The following DLGAP2 variants were observed in gnomAD, a reference collection of about 807,000 sequenced individuals.
The protein encoded by DLGAP2 is disks large-associated protein 2.
In DLGAP2, 26 loss-of-function variants were observed where a neutral mutation model predicts 100.3. That is an observed-to-expected ratio of 0.26 (90% CI 0.19 to 0.36). The LOEUF (loss-of-function observed/expected upper bound fraction) is 0.36. Ranked by LOEUF, DLGAP2 falls within the 10% of genes least tolerant of loss-of-function variation. The pLI is 1.00. For synonymous variants in DLGAP2, 886 were observed against 630.1 expected (o/e 1.41, Z -6.08); for missense variants, 1,858 against 1,453.2 (o/e 1.28, Z -4.53).
At chr8:972,044 C>G (rs543053713) in intron 2 of DLGAP2, among the ~76,000 whole-genome samples, 13 of 152,202 alleles carry the variant, frequency 8.5e-5, no homozygotes, top group African/African-American at 2.9e-4. Flanking sequence ...AGATTCAGGT[C>G]CTATTTAAGA....
intron 2 of DLGAP2, among the ~76,000 whole-genome samples, chr8:1,038,597 T>TA (rs1177138618): frequency 3.9e-5 from 6 of 152,226 alleles, no homozygotes; most frequent in African/African-American, 1.4e-4. Flanking sequence ...CATTATGCGT[T>TA]AGATAATTTG....
At chr8:1,206,433 C>G (rs1797992583) in intron 2 of DLGAP2, among the ~76,000 whole-genome samples, 1 of 152,018 alleles carries the variant, frequency 6.6e-6, no homozygotes, top group Admixed American at 6.5e-5. Flanking sequence ...GGTTAATCTC[C>G]AGCCATCCGT....
At chr8:1,335,734 G>A (rs1801258540) in intron 3 of DLGAP2, among the ~76,000 whole-genome samples, 1 of 152,240 alleles carries the variant, frequency 6.6e-6, no homozygotes, top group Non-Finnish European at 1.5e-5. Context: ...GGAACCCTGA[G>A]TATGATTTAT....
chr8:1,355,982 CG>C (rs2129638798), intron 3 of DLGAP2, among the ~76,000 whole-genome samples: 1 of 152,226 alleles, frequency 6.6e-6, no homozygotes, highest in Non-Finnish European at 1.5e-5. Flanking sequence ...CCCAAGGCTC[CG>C]CATTTGGGTG....
intron 6 of DLGAP2, among the ~76,000 whole-genome samples, chr8:1,594,413 A>T (rs986090365): frequency 6.6e-6 from 1 of 152,146 alleles, no homozygotes; most frequent in Non-Finnish European, 1.5e-5. Context: ...TATGTGCCAA[A>T]CAGAAATTAT....
intron 2 of DLGAP2, among the ~76,000 whole-genome samples, chr8:1,022,996 T>C (rs528830802): frequency 2.6e-5 from 4 of 152,324 alleles, no homozygotes; most frequent in Admixed American, 2.6e-4. Context: ...TGAAGAACAT[T>C]AAACTCGCAT....
At chr8:907,293 C>G (rs936178767) in intron 1 of DLGAP2, among the ~76,000 whole-genome samples, 5 of 152,236 alleles carry the variant, frequency 3.3e-5, no homozygotes, top group African/African-American at 1.2e-4. Flanking sequence ...ACAGACATCT[C>G]TTCAGCTGCA....
rs1803954408 is a variant in DLGAP2 at position 1,085,752 on chromosome 8, G to T, written c.74-173099G>T. 2.6e-5 allele frequency among the ~76,000 whole-genome samples: 4 copies of T among 152,202 alleles called. No individual in the cohort carries two copies. In the East Asian group the frequency reaches 7.7e-4, roughly 29 times the overall value. On this transcript the variant is annotated intron_variant, in intron 2 of 14. Transcript: ENST00000637795. ...CTCATGATTTTCTTATATATTTGAG[G>T]TTTTTTGTGGTTCCATATGAGTTTT...
chr8:927,390 C>T (rs1469552136), intron 2 of DLGAP2, among the ~76,000 whole-genome samples: 1 of 152,100 alleles, frequency 6.6e-6, no homozygotes, highest in Non-Finnish European at 1.5e-5. Flanking sequence ...GTTCTGGTCC[C>T]CAAGGCTCTT....
chr8:1,508,617 G>GT (rs1163812528), intron 4 of DLGAP2, among the ~76,000 whole-genome samples: 1 of 136,196 alleles, frequency 7.3e-6, no homozygotes, highest in Non-Finnish European at 1.6e-5. Context: ...TCTGTGGGAT[G>GT]TGCCAGTAAG....
chr8:953,409 G>T (rs748790891), intron 2 of DLGAP2, among the ~76,000 whole-genome samples: 1 of 152,160 alleles, frequency 6.6e-6, no homozygotes, highest in Non-Finnish European at 1.5e-5. Flanking sequence ...GGCCAGGCTG[G>T]TCTTGAACTC....
At chr8:980,728 C>G (rs1303907198) in intron 2 of DLGAP2, among the ~76,000 whole-genome samples, 1 of 152,086 alleles carries the variant, frequency 6.6e-6, no homozygotes, top group Admixed American at 6.6e-5. Context: ...GGAGGACACG[C>G]TGGCTCAGCT....
At chr8:1,471,720 A>G (rs1333192808) in intron 3 of DLGAP2, among the ~76,000 whole-genome samples, 1 of 152,178 alleles carries the variant, frequency 6.6e-6, no homozygotes, top group Non-Finnish European at 1.5e-5. Flanking sequence ...CATATCCATC[A>G]GCAGCTGGTG....
intron 1 of DLGAP2, among the ~76,000 whole-genome samples, chr8:800,722 G>C (rs1273980394): frequency 6.6e-6 from 1 of 152,168 alleles, no homozygotes; most frequent in Non-Finnish European, 1.5e-5. Flanking sequence ...GTGTCCATGG[G>C]TGTTTGTGTG....
At chr8:1,098,649 G>GGCGCCGCC (rs1563190793) in intron 2 of DLGAP2, among the ~76,000 whole-genome samples, 1 of 104,236 alleles carries the variant, frequency 9.6e-6, no homozygotes, top group African/African-American at 3.4e-5. Flanking sequence ...GCCGCCCACG[G>GGCGCCGCC]ACGCCGCCAC....
chr8:1,551,544 C>G (rs964053590), intron 5 of DLGAP2, among the ~76,000 whole-genome samples: 5 of 152,182 alleles, frequency 3.3e-5, no homozygotes, highest in African/African-American at 7.2e-5. Context: ...CTCCCAGGAA[C>G]ACGCTTCTCT....
In DLGAP2 at chr8:1,274,959, A is replaced by T. The variant is rs114606998; in HGVS notation, c.106+16076A>T. Among the ~76,000 whole-genome samples, 49 of 152,120 alleles carry T rather than the reference A, an allele frequency of 3.2e-4. No homozygotes were observed. The East Asian group carries it at 7.5e-3, about 23-fold the overall frequency. On this transcript the variant is annotated intron_variant, in intron 3 of 14. Coordinates refer to ENST00000637795, the MANE Select transcript of DLGAP2 (RefSeq NM_001346810.2). The stretch of plus-strand genomic sequence containing the variant: ...TTGCGGCAGCCATGAGTGAGTGTTC[A>T]CTGCCTGCTGCTGTGTCCGCAGTCC...
intron 2 of DLGAP2, among the ~76,000 whole-genome samples, chr8:1,043,950 A>G (rs1802445630): frequency 6.6e-6 from 1 of 151,942 alleles, no homozygotes; most frequent in South Asian, 2.1e-4. Flanking sequence ...GTTGCTTGTG[A>G]TGCTTTCTGG....
chr8:1,144,246 C>A (rs1371726367), intron 2 of DLGAP2, among the ~76,000 whole-genome samples: 2 of 152,238 alleles, frequency 1.3e-5, no homozygotes, highest in African/African-American at 4.8e-5. Context: ...TAAACTCACA[C>A]TATCTGGACA....
Sources: allele counts gnomAD v4.1 joint callset (sites outside exome capture counted in the v4.1 genomes callset), GRCh38; gene constraint gnomAD v4.1.1; transcripts MANE v1.5; gene names NCBI Gene and HGNC (gene_info 2026-07-23, HGNC 2026-07-21).